DENND2C: variants seen among roughly 807,000 people sequenced by gnomAD.
DENND2C encodes DENN domain containing 2C.
In DENND2C, 72 loss-of-function variants were observed where a neutral mutation model predicts 112.4. The observed-to-expected ratio is 0.64, with a 90% CI of 0.53 to 0.78. DENND2C has a LOEUF of 0.78. Among genes scored for constraint, DENND2C ranks in the 30% least tolerant of loss-of-function variants. DENND2C has a pLI of 0.00. For synonymous variants in DENND2C, 329 were observed against 381.6 expected (o/e 0.86, Z 1.61); for missense variants, 992 against 1,113.8 (o/e 0.89, Z 1.56).
rs1557948554 is a variant in DENND2C at position 114,623,058 on chromosome 1, G to A, written c.985C>T (p.Pro329Ser). The part of the protein sequence containing the change: ...ENPYEDIPVQ[P>S]LPMWRSPSAW... ...GAAGGGGATCTCCACATAGGTAAAGGCTGCACTGGAATATCTTCATATGGA... is the reference window on the plus strand; with the variant it reads ...GAAGGGGATCTCCACATAGGTAAAGACTGCACTGGAATATCTTCATATGGA... The change falls in exon 6 of 21, where the codon CCT becomes TCT. Residue 329 changes from proline to serine, a missense_variant. Coordinates refer to ENST00000393274, the MANE Select transcript of DENND2C (RefSeq NM_001256404.2). 1 of 1,612,520 alleles carries A rather than the reference G, an allele frequency of 6.2e-7. No individual in the cohort carries two copies. The highest frequency in any genetic ancestry group is 8.5e-7 in the Non-Finnish European group (1 of 1,179,250).
chr1:114,588,062 A>G (rs1322606943), intron 18 of DENND2C, 110 bp from the exon 19 acceptor site: 1 of 898,982 alleles, frequency 1.1e-6, no homozygotes, highest in Non-Finnish European at 1.7e-6. Context: ...AGATTAAAGG[A>G]CTGAGAATAA....
At chr1:114,586,263 A>T (rs1655034474) in intron 20 of DENND2C, among the ~76,000 whole-genome samples, 4 of 152,190 alleles carry the variant, frequency 2.6e-5, no homozygotes, top group Admixed American at 2.6e-4. Flanking sequence ...TTTGCCTCAG[A>T]AGTCCCTCTA....
intron 2 of DENND2C, among the ~76,000 whole-genome samples, chr1:114,651,500 A>G (rs1657165432): frequency 6.6e-6 from 1 of 152,130 alleles, no homozygotes; most frequent in African/African-American, 2.4e-5. Flanking sequence ...GCACTTTGGG[A>G]GGCTGAGGTG....
intron 9 of DENND2C, 67 bp from the exon 10 acceptor site, chr1:114,608,940 T>A (rs1655736108): frequency 6.5e-7 from 1 of 1,546,472 alleles, no homozygotes. Context: ...CATCCAGAGG[T>A]CATGACCCAC....
chr1:114,612,613 G>C (rs1377484633), intron 8 of DENND2C, among the ~76,000 whole-genome samples: 1 of 151,534 alleles, frequency 6.6e-6, no homozygotes, highest in South Asian at 2.1e-4. Flanking sequence ...TCCACCTCCA[G>C]GGTTCAAGCA....
intron 11 of DENND2C, 70 bp from the exon 12 acceptor site, chr1:114,602,264 A>G: frequency 6.6e-7 from 1 of 1,505,428 alleles, no homozygotes; most frequent in Non-Finnish European, 9.1e-7. Flanking sequence ...GGAACAAACA[A>G]TTGAAAACTA....
intron 3 of DENND2C, among the ~76,000 whole-genome samples, chr1:114,635,186 C>T (rs1656619433): frequency 6.6e-6 from 1 of 151,958 alleles, no homozygotes; most frequent in Non-Finnish European, 1.5e-5. Context: ...ATGTACCAAC[C>T]TTTTCAACAT....
intron 16 of DENND2C, 124 bp downstream of exon 16, chr1:114,599,150 T>C: frequency 1.5e-6 from 1 of 653,266 alleles, no homozygotes. Flanking sequence ...TATAATAATT[T>C]AATAGAAATA....
At chr1:114,589,892 G>A (rs1340256081) in intron 18 of DENND2C, among the ~76,000 whole-genome samples, 2 of 152,006 alleles carry the variant, frequency 1.3e-5, no homozygotes, top group South Asian at 4.1e-4. Flanking sequence ...TTTCCTATGC[G>A]ACTCCAATGG....
rs914445740 is a variant in DENND2C, at chr1:114,611,245, C to T, written c.1325-128G>A. On this transcript the variant is annotated intron_variant, in intron 8 of 20. Coordinates refer to ENST00000393274, the MANE Select transcript of DENND2C (RefSeq NM_001256404.2). ...ATAATAAAGCTGCTGAGCCTTTCTC[C>T]AAACCACTTGGTTGTATCAAGTTGG... 11 of 1,004,100 alleles carry T rather than the reference C, an allele frequency of 1.1e-5. No individual in the cohort carries two copies. In the African/African-American group the frequency reaches 1.1e-4, roughly 10 times the overall value. The allele number at this position is 1,004,100 out of a possible 1,614,324, so 62.2% of individuals were successfully genotyped here. A position where few individuals can be genotyped will look rare whatever the true frequency, so the allele number is the denominator to read the frequency against.
chr1:114,662,690 T>C (rs1657531048), intron 1 of DENND2C, among the ~76,000 whole-genome samples: 2 of 150,874 alleles, frequency 1.3e-5, no homozygotes, highest in Admixed American at 1.3e-4. Flanking sequence ...GGGCCAGGCA[T>C]AATGGCTTCG....
chr1:114,628,218 G>T (rs1349728536), intron 3 of DENND2C, among the ~76,000 whole-genome samples: 3 of 151,838 alleles, frequency 2.0e-5, no homozygotes, highest in Non-Finnish European at 4.4e-5. Context: ...AAGCTGGGAG[G>T]CTGAGGCAGG....
chr1:114,600,868 A>G lies in DENND2C; in HGVS notation c.1908T>C (p.Pro636=). Residue 636 remains proline, a synonymous_variant, in exon 14 of 21, where the codon CCT becomes CCC. Coordinates refer to ENST00000393274, the MANE Select transcript of DENND2C (RefSeq NM_001256404.2). ...RSVMEAPFPA[P]GRTITVKSYL... is the part of the protein sequence containing the mutation. ...AACTCTTAACTGTGATGGTGCGTCC[A>G]GGAGCTGGGAAAGGAGCTTCCATGA... is the stretch of plus-strand genomic sequence containing the variant. 1 of 1,614,124 alleles carries G rather than the reference A, an allele frequency of 6.2e-7. No homozygotes were observed. Among genetic ancestry groups the G allele is most frequent in the Non-Finnish European group, 8.5e-7 (1 of 1,179,966 alleles).
intron 3 of DENND2C, among the ~76,000 whole-genome samples, chr1:114,645,211 A>G (rs939654122): frequency 6.6e-6 from 1 of 152,264 alleles, no homozygotes. Context: ...CTGAAAATTC[A>G]TATGTTGAAG....
intron 9 of DENND2C, 132 bp from the exon 10 acceptor site, chr1:114,609,005 T>C: frequency 4.1e-6 from 4 of 982,964 alleles, no homozygotes; most frequent in South Asian, 3.0e-5. Context: ...AACCAGCATC[T>C]GCCACATAGA....
intron 3 of DENND2C, among the ~76,000 whole-genome samples, chr1:114,629,114 C>CA (rs1435951702): frequency 2.6e-5 from 4 of 152,148 alleles, no homozygotes; most frequent in African/African-American, 9.7e-5. Flanking sequence ...GGAAATGAGT[C>CA]AGAGACTTTT....
intron 1 of DENND2C, among the ~76,000 whole-genome samples, chr1:114,665,937 C>T (rs180731368): frequency 6.6e-6 from 1 of 152,292 alleles, no homozygotes; most frequent in East Asian, 1.9e-4. Flanking sequence ...CAATTTTAGC[C>T]TGGCTTCTGG....
intron 3 of DENND2C, among the ~76,000 whole-genome samples, chr1:114,642,116 T>A (rs1284049415): frequency 6.6e-6 from 1 of 152,204 alleles, no homozygotes; most frequent in African/African-American, 2.4e-5. Context: ...CACGCCCAGC[T>A]AATTTTTGTA....
intron 18 of DENND2C, among the ~76,000 whole-genome samples, chr1:114,593,672 T>A (rs1228206538): frequency 1.3e-5 from 2 of 151,866 alleles, no homozygotes; most frequent in Admixed American, 1.3e-4. Context: ...GTAGTCCCAG[T>A]TGAGGCAGGA....
Sources: allele counts gnomAD v4.1 joint callset (sites outside exome capture counted in the v4.1 genomes callset), GRCh38; gene constraint gnomAD v4.1.1; transcripts MANE v1.5; gene names NCBI Gene and HGNC (gene_info 2026-07-23, HGNC 2026-07-21).